ESCO1: variants seen among roughly 807,000 people sequenced by gnomAD.
The protein encoded by ESCO1 is establishment of sister chromatid cohesion N-acetyltransferase 1, also known as N-acetyltransferase ESCO1.
Under a neutral mutation model 83.5 loss-of-function variants are expected in ESCO1, and 33 were observed. The observed-to-expected ratio is 0.40, with a 90% confidence interval of 0.30 to 0.53. The LOEUF (loss-of-function observed/expected upper bound fraction) is 0.53. Ranked by LOEUF, ESCO1 falls within the 20% of genes least tolerant of loss-of-function variation. ESCO1 has a pLI of 0.63. For missense variants in ESCO1, 855 were observed against 968.0 expected (o/e 0.88, Z 1.55); for synonymous variants, 332 against 324.3 (o/e 1.02, Z -0.25).
chr18:21,541,041 G>A (rs2037898974), intron 8 of ESCO1, among the ~76,000 whole-genome samples: 3 of 152,010 alleles, frequency 2.0e-5, no homozygotes, highest in Non-Finnish European at 4.4e-5. Flanking sequence ...GGAATTTTTT[G>A]GAGGGGGAAG....
chr18:21,592,855 G>A (rs1185354127), intron 1 of ESCO1, among the ~76,000 whole-genome samples: 2 of 147,178 alleles, frequency 1.4e-5, no homozygotes, highest in African/African-American at 5.1e-5. Flanking sequence ...CCGGGCAGAG[G>A]GTCTCCTCCC....
chr18:21,591,654 C>T (rs942425795), intron 1 of ESCO1, among the ~76,000 whole-genome samples: 24 of 146,126 alleles, frequency 1.6e-4, no homozygotes, highest in African/African-American at 5.6e-4. Context: ...TGGATCACCA[C>T]AGATGCTTTT....
intron 6 of ESCO1, 126 bp downstream of exon 6, chr18:21,566,020 C>A: frequency 3.8e-6 from 3 of 782,490 alleles, no homozygotes; most frequent in Non-Finnish European, 6.3e-6. Context: ...ATAGAAAAAG[C>A]TGTAATGAAA....
chr18:21,538,184 G>C (rs1234297648), intron 9 of ESCO1, among the ~76,000 whole-genome samples: 2 of 151,696 alleles, frequency 1.3e-5, no homozygotes, highest in African/African-American at 4.8e-5. Flanking sequence ...GGGCAGGGTG[G>C]CTCACGCCTA....
chr18:21,549,413 ACTTC>A (rs1172862619), intron 8 of ESCO1, among the ~76,000 whole-genome samples: 7 of 151,620 alleles, frequency 4.6e-5, no homozygotes, highest in African/African-American at 1.2e-4. Context: ...ACACCTCCAG[ACTTC>A]CTTGTTTTTT....
chr18:21,599,028 G>GA (rs2038802934), intron 1 of ESCO1, among the ~76,000 whole-genome samples: 1 of 149,864 alleles, frequency 6.7e-6, no homozygotes, highest in Non-Finnish European at 1.5e-5. Flanking sequence ...CCATTGATTA[G>GA]ATTTTTTGCT....
rs532901168 is a variant in ESCO1 at position 21,541,530 on chromosome 18, T to C, written c.1954-1521A>G. 3.4e-5 allele frequency among the ~76,000 whole-genome samples: 5 copies of C among 147,592 alleles called. No individual in the cohort carries two copies. The South Asian group carries it at 1.1e-3, about 31-fold the overall frequency. On this transcript the variant is annotated intron_variant, in intron 8 of 11. Coordinates refer to ENST00000269214, the MANE Select transcript of ESCO1 (RefSeq NM_052911.3). ...ATTGCTTGAACTCGGGAGGTGGAGG[T>C]TGCAGTGAGCTGAGTTCGCGCCATT...
chr18:21,533,588 C>T (rs1352081281), intron 10 of ESCO1, among the ~76,000 whole-genome samples: 1 of 152,122 alleles, frequency 6.6e-6, no homozygotes, highest in Non-Finnish European at 1.5e-5. Flanking sequence ...AGATATAAAA[C>T]TTAAAAGTAA....
intron 1 of ESCO1, among the ~76,000 whole-genome samples, chr18:21,591,201 G>C (rs1406093301): frequency 1.3e-5 from 2 of 152,138 alleles, no homozygotes; most frequent in African/African-American, 4.8e-5. Flanking sequence ...GTAAGAGAGT[G>C]GCACAGATAT....
Position 21,567,300 on chromosome 18 carries a change from G to A in ESCO1, c.1645+680C>T, listed in dbSNP as rs140834926. ...GCCTCTCAAGTAGCTGAGATTACAG[G>A]CGTGCACCACCATGCCTTGCTAATT... On this transcript the variant is annotated intron_variant, in intron 5 of 11. Transcript: ENST00000269214. 1.6e-4 allele frequency among the ~76,000 whole-genome samples: 25 copies of A among 152,158 alleles called. 1 individual carries two copies. In the East Asian group the frequency reaches 4.6e-3, roughly 28 times the overall value.
intron 1 of ESCO1, among the ~76,000 whole-genome samples, chr18:21,584,969 G>A (rs1012349669): frequency 4.0e-5 from 6 of 151,810 alleles, no homozygotes; most frequent in Non-Finnish European, 8.8e-5. Flanking sequence ...GTGAAGCCCC[G>A]TCTCTACTAA....
At position 21,583,997 on chromosome 18, in the gene ESCO1, G is replaced by C. The variant is rs1598476930; in HGVS notation, c.-694+313C>G. On this transcript the variant is annotated intron_variant, in intron 2 of 11. Transcript: ENST00000269214. Reference sequence around the variant, plus strand: ...TAGCATGTCTCCCTTTGTGTAAAGAGAGAAAAAGGAGATGGTGGAAGGAAG... The same window carrying C: ...TAGCATGTCTCCCTTTGTGTAAAGACAGAAAAAGGAGATGGTGGAAGGAAG... Among the ~76,000 whole-genome samples, 4 of 152,284 alleles carry C rather than the reference G, an allele frequency of 2.6e-5. No individual in the cohort carries two copies. The South Asian group carries it at 8.3e-4, about 32-fold the overall frequency.
intron 8 of ESCO1, among the ~76,000 whole-genome samples, chr18:21,548,059 G>A (rs1294893585): frequency 3.3e-5 from 5 of 152,006 alleles, no homozygotes; most frequent in African/African-American, 4.8e-5. Context: ...CTGAGATGGC[G>A]CCACTGCACT....
At position 21,574,485 on chromosome 18, in the gene ESCO1, C is replaced by T. The variant is rs776969643; in HGVS notation, c.359G>A (p.Arg120Gln). The part of the protein sequence containing the change: ...ENPKANEQLN[R>Q]RSQRLQQLTE... The stretch of plus-strand genomic sequence containing the variant: ...TAATTGTTGTAGCCTTTGTGATCTC[C>T]GGTTAAGCTGTTCATTTGCTTTAGG... The change falls in exon 4 of 12, where the codon CGG (arginine) becomes CAG (glutamine). Residue 120 changes from arginine to glutamine, a missense_variant. Arg to Gln is a conservative substitution (Grantham distance 43). Transcript: ENST00000269214. The T allele has an allele frequency of 1.8e-5, 29 of 1,613,928 alleles. 1 individual carries two copies. The highest frequency in any genetic ancestry group is 1.1e-4 in the South Asian group (10 of 91,066).
chr18:21,554,734 C>T (rs757571541), intron 8 of ESCO1, among the ~76,000 whole-genome samples: 1 of 152,086 alleles, frequency 6.6e-6, no homozygotes, highest in South Asian at 2.1e-4. Flanking sequence ...CACAGTGAAA[C>T]CCCATCTCTA....
intron 8 of ESCO1, among the ~76,000 whole-genome samples, chr18:21,557,321 A>T (rs1229039719): frequency 6.6e-6 from 1 of 152,172 alleles, no homozygotes; most frequent in Non-Finnish European, 1.5e-5. Flanking sequence ...AATAAAAAGG[A>T]TCTACTCATT....
At chr18:21,600,337 A>T (rs1017933002) in intron 1 of ESCO1, among the ~76,000 whole-genome samples, 14 of 152,268 alleles carry the variant, frequency 9.2e-5, no homozygotes, top group Non-Finnish European at 1.8e-4. Context: ...GTCGGCGGTC[A>T]CGACCCCTTA....
chr18:21,575,599 T>C, intron 3 of ESCO1, 73 bp downstream of exon 3: 2 of 398,294 alleles, frequency 5.0e-6, no homozygotes, highest in East Asian at 3.6e-5. Flanking sequence ...TATATTCCTA[T>C]GAATAATCAA....
Position 21,574,710 on chromosome 18 carries a change from A to G in ESCO1, c.134T>C (p.Ile45Thr). 1 of 1,612,988 alleles carries G rather than the reference A, an allele frequency of 6.2e-7. No individual in the cohort carries two copies. Among genetic ancestry groups the G allele is most frequent in the South Asian group, 1.1e-5 (1 of 91,058 alleles). The change falls in exon 4 of 12, where the codon ATA (isoleucine) becomes ACA (threonine). Residue 45 changes from isoleucine to threonine, a missense_variant. Around this residue, in one of 2 missense-constraint regions of ESCO1, gnomAD observed 726 missense variants for 699.5 expected, o/e 1.04. Transcript: ENST00000269214. ...LAKKSGPKET[I>T]KSQAKSSSES... ...ACTGGAAGATTTAGCCTGTGATTTT[A>G]TAGTCTCCTTTGGACCTGATTTTTT...
Sources: allele counts gnomAD v4.1 joint callset (sites outside exome capture counted in the v4.1 genomes callset), GRCh38; gene constraint gnomAD v4.1.1; regional missense constraint gnomAD v4.1.1; transcripts MANE v1.5; gene names NCBI Gene and HGNC (gene_info 2026-07-23, HGNC 2026-07-21).